The following PAX5 variants were observed in gnomAD, a reference collection of about 807,000 sequenced individuals.
PAX5 encodes the protein paired box protein Pax-5.
In PAX5, 9 loss-of-function variants were observed where a neutral mutation model predicts 43.7. The observed-to-expected ratio is 0.21, with a 90% CI of 0.12 to 0.36. PAX5 has a LOEUF of 0.36. Ranked by LOEUF, PAX5 falls within the 10% of genes least tolerant of loss-of-function variation. The pLI is 1.00. For synonymous variants in PAX5, 228 were observed against 214.3 expected, an observed-to-expected ratio of 1.06 and a Z score of -0.56; for missense variants, 383 against 532.7, an observed-to-expected ratio of 0.72 and a Z score of 2.77.
chr9:36,972,680 C>T (rs1835017741), intron 5 of PAX5, among the ~76,000 whole-genome samples: 1 of 152,118 alleles, frequency 6.6e-6, no homozygotes, highest in African/African-American at 2.4e-5. Context: ...AAGTCAGAGA[C>T]AGGAATAAAT....
At chr9:36,862,774 A>G (rs1385968206) in intron 8 of PAX5, among the ~76,000 whole-genome samples, 1 of 152,154 alleles carries the variant, frequency 6.6e-6, no homozygotes, top group East Asian at 1.9e-4. Context: ...GCCCTGTGCC[A>G]GTCTGTATGC....
At chr9:36,957,208 A>T (rs1833565377) in intron 6 of PAX5, among the ~76,000 whole-genome samples, 1 of 152,204 alleles carries the variant, frequency 6.6e-6, no homozygotes, top group Admixed American at 6.5e-5. Context: ...AGGCCCAGTT[A>T]AGTCCGTCTC....
intron 6 of PAX5, among the ~76,000 whole-genome samples, chr9:36,950,017 G>A (rs915102863): frequency 3.3e-5 from 5 of 152,178 alleles, no homozygotes; most frequent in South Asian, 2.1e-4. Flanking sequence ...CTCATGGATG[G>A]ACACAGATAG....
intron 4 of PAX5, 62 bp from the exon 5 acceptor site, chr9:37,002,838 A>G: frequency 6.5e-7 from 1 of 1,540,064 alleles, no homozygotes; most frequent in Non-Finnish European, 8.8e-7. Flanking sequence ...ACCGGCTGTC[A>G]CCGCACGTGA....
chr9:37,001,206 G>T (rs1051206083), intron 5 of PAX5, among the ~76,000 whole-genome samples: 5 of 152,132 alleles, frequency 3.3e-5, no homozygotes, highest in African/African-American at 1.2e-4. Context: ...AGTAAATAAT[G>T]CCCCCAGGCC....
At chr9:36,931,574 C>T (rs781445219) in intron 6 of PAX5, among the ~76,000 whole-genome samples, 24 of 152,114 alleles carry the variant, frequency 1.6e-4, no homozygotes, top group Non-Finnish European at 2.6e-4. Context: ...CATGGCCAGG[C>T]GCGGTGGCTC....
intron 8 of PAX5, among the ~76,000 whole-genome samples, chr9:36,870,149 T>C (rs1184427439): frequency 6.7e-6 from 1 of 149,916 alleles, no homozygotes; most frequent in African/African-American, 2.5e-5. Flanking sequence ...GATGGATGGA[T>C]GGATGGATAA....
At chr9:36,993,978 A>G (rs780588455) in intron 5 of PAX5, among the ~76,000 whole-genome samples, 197 of 152,078 alleles carry the variant, frequency 1.3e-3, no homozygotes, top group Non-Finnish European at 1.1e-3. Context: ...CAGGTGCACA[A>G]ACAGAGAGGG....
chr9:36,923,831 C>T (rs1830380571), intron 6 of PAX5, among the ~76,000 whole-genome samples: 2 of 152,300 alleles, frequency 1.3e-5, no homozygotes, highest in South Asian at 4.1e-4. Context: ...GGTCCGTAAC[C>T]AAAAGCAAGG....
At chr9:37,026,577 G>C (rs761947907) in intron 1 of PAX5, 22 of 1,344,398 alleles carry the variant, frequency 1.6e-5, no homozygotes, top group African/African-American at 2.9e-5. Context: ...TATTTCCATC[G>C]GGGCGCTCCA....
intron 7 of PAX5, among the ~76,000 whole-genome samples, chr9:36,890,303 C>T (rs1170849032): frequency 6.6e-6 from 1 of 152,102 alleles, no homozygotes; most frequent in Non-Finnish European, 1.5e-5. Flanking sequence ...CTTGATGGCC[C>T]GAGAGGGTCT....
At chr9:37,017,607 A>G (rs1377239396) in intron 2 of PAX5, among the ~76,000 whole-genome samples, 2 of 152,226 alleles carry the variant, frequency 1.3e-5, no homozygotes, top group Non-Finnish European at 1.5e-5. Context: ...TGTCCTGGAT[A>G]CTCAAAATAT....
intron 9 of PAX5, among the ~76,000 whole-genome samples, chr9:36,843,214 G>A (rs1053861262): frequency 6.6e-6 from 1 of 152,074 alleles, no homozygotes; most frequent in Non-Finnish European, 1.5e-5. Flanking sequence ...AGGGACCTCC[G>A]GACAGGTTTC....
At chr9:37,011,807 G>C (rs966249274) in intron 3 of PAX5, among the ~76,000 whole-genome samples, 4 of 152,086 alleles carry the variant, frequency 2.6e-5, no homozygotes, top group African/African-American at 7.2e-5. Flanking sequence ...CACAAATCCA[G>C]CCATCACTCC....
chr9:36,965,738 C>G (rs1044672715), intron 6 of PAX5, among the ~76,000 whole-genome samples: 15 of 152,190 alleles, frequency 9.9e-5, no homozygotes, highest in African/African-American at 3.6e-4. Flanking sequence ...CTCTGGTTGG[C>G]CCACCAGGTG....
intron 2 of PAX5, among the ~76,000 whole-genome samples, chr9:37,016,385 C>T (rs1252606356): frequency 7.2e-5 from 11 of 152,282 alleles, no homozygotes; most frequent in South Asian, 2.1e-4. Context: ...CTCAAGCAAT[C>T]GGAAAAACCA....
Position 36,909,749 on chromosome 9 carries a change from A to C in PAX5, c.910+13606T>G, listed in dbSNP as rs189793991. Among the ~76,000 whole-genome samples the C allele has an allele frequency of 4.0e-5, 6 of 150,324 alleles. 1 individual carries two copies. The highest frequency in any genetic ancestry group is 3.3e-4 in the Admixed American group (5 of 15,134). On this transcript the variant is annotated intron_variant, in intron 7 of 9. Transcript: ENST00000358127. ...TTCTCAACTCTCCCCAAGTGTGGCC[A>C]CTTGGGAATGTAGACCCAAGGTGGC...
chr9:36,939,273 G>A (rs1040065445), intron 6 of PAX5, among the ~76,000 whole-genome samples: 1 of 152,154 alleles, frequency 6.6e-6, no homozygotes, highest in Non-Finnish European at 1.5e-5. Flanking sequence ...CTCAGTATGG[G>A]CTGTGGGTGA....
intron 5 of PAX5, among the ~76,000 whole-genome samples, chr9:36,988,940 A>G (rs1006070965): frequency 6.6e-6 from 1 of 152,216 alleles, no homozygotes; most frequent in African/African-American, 2.4e-5. Context: ...CAAAGAAGCT[A>G]AAGCCCTTTG....
Sources: gnomAD v4.1 joint callset for allele counts (sites outside exome capture counted in the v4.1 genomes callset) on GRCh38, gnomAD v4.1.1 for gene constraint, MANE v1.5 for transcripts, NCBI Gene and HGNC (gene_info 2026-07-23, HGNC 2026-07-21) for gene names.